Variants in EBF2 observed in about 807,000 individuals in gnomAD.
EBF2 encodes the protein EBF transcription factor 2.
A neutral mutation model predicts 72.8 loss-of-function variants in EBF2; 21 were observed. The observed-to-expected ratio is 0.29, with a 90% CI of 0.20 to 0.42. The LOEUF is 0.42. Ranked by LOEUF, EBF2 falls within the 10% of genes least tolerant of loss-of-function variation. The pLI, the probability that EBF2 is intolerant of heterozygous loss-of-function variation, is 1.00. For synonymous variants in EBF2, 299 were observed against 274.2 expected (o/e 1.09, Z -0.89); for missense variants, 637 against 731.2 (o/e 0.87, Z 1.49).
intron 7 of EBF2, among the ~76,000 whole-genome samples, chr8:25,907,411 C>T (rs575075537): frequency 1.0e-5 from 1 of 98,104 alleles, no homozygotes. Flanking sequence ...CAGAGTGAGA[C>T]CCTGCCTCAA....
At chr8:25,896,679 A>G (rs1416442736) in intron 7 of EBF2, among the ~76,000 whole-genome samples, 3 of 152,190 alleles carry the variant, frequency 2.0e-5, no homozygotes, top group Admixed American at 6.5e-5. Flanking sequence ...GGACAGAGAA[A>G]ATCAAGACAG....
At chr8:26,022,184 G>C (rs997964113) in intron 6 of EBF2, among the ~76,000 whole-genome samples, 1 of 152,102 alleles carries the variant, frequency 6.6e-6, no homozygotes, top group African/African-American at 2.4e-5. Context: ...AGACCACCTC[G>C]ATTTTGTTCT....
chr8:25,847,825 A>C (rs2117243692), intron 15 of EBF2, among the ~76,000 whole-genome samples: 1 of 152,204 alleles, frequency 6.6e-6, no homozygotes, highest in East Asian at 1.9e-4. Flanking sequence ...ATTTCTTTTT[A>C]GGCTACTGCC....
intron 8 of EBF2, among the ~76,000 whole-genome samples, chr8:25,889,130 A>T (rs1419861901): frequency 6.6e-6 from 1 of 152,196 alleles, no homozygotes; most frequent in Non-Finnish European, 1.5e-5. Flanking sequence ...AACATTCTGT[A>T]TTATAAGGTC....
intron 13 of EBF2, among the ~76,000 whole-genome samples, chr8:25,859,805 C>G (rs1480127861): frequency 6.6e-6 from 1 of 151,640 alleles, no homozygotes; most frequent in Non-Finnish European, 1.5e-5. Flanking sequence ...CAGCTTCAAC[C>G]TCCTGGACTC....
chr8:26,035,509 T>A (rs1018751682), intron 5 of EBF2, among the ~76,000 whole-genome samples: 2 of 152,136 alleles, frequency 1.3e-5, no homozygotes, highest in Non-Finnish European at 2.9e-5. Context: ...TCCACAGAAT[T>A]AAACACAAAC....
intron 6 of EBF2, among the ~76,000 whole-genome samples, chr8:25,910,411 T>A (rs921948728): frequency 4.6e-5 from 7 of 152,150 alleles, no homozygotes; most frequent in African/African-American, 1.7e-4. Flanking sequence ...TAAACCCAAA[T>A]GGAGGGCTTT....
At chr8:25,963,535 G>C (rs995512212) in intron 6 of EBF2, among the ~76,000 whole-genome samples, 3 of 152,144 alleles carry the variant, frequency 2.0e-5, no homozygotes, top group African/African-American at 7.2e-5. Flanking sequence ...GTGTGATAGA[G>C]AACAGGAATG....
At chr8:25,953,685 G>A (rs906999966) in intron 6 of EBF2, among the ~76,000 whole-genome samples, 1 of 152,188 alleles carries the variant, frequency 6.6e-6, no homozygotes. Context: ...TTCCCCATCA[G>A]CAATAAGAGA....
At chr8:25,999,719 C>T (rs549221060) in intron 6 of EBF2, among the ~76,000 whole-genome samples, 50 of 151,814 alleles carry the variant, frequency 3.3e-4, no homozygotes, top group African/African-American at 1.2e-3. Context: ...GAAAGTTCCT[C>T]CCTTCCATTT....
chr8:25,912,707 T>C lies in EBF2; in HGVS notation c.552-4152A>G, dbSNP rs114877350. 2.6e-3 allele frequency among the ~76,000 whole-genome samples: 390 copies of C among 152,272 alleles called. 2 individuals are homozygous for C. Among genetic ancestry groups the C allele is most frequent in the African/African-American group, 9.0e-3 (376 of 41,572 alleles). On this transcript the variant is annotated intron_variant, in intron 6 of 15. Coordinates refer to ENST00000520164, the MANE Select transcript of EBF2 (RefSeq NM_022659.4). The stretch of plus-strand genomic sequence containing the variant: ...TGTGTGCCAGAAAGTTCAGGCACAG[T>C]GGCAAGCAAAGTCCTTGGCCCCAAG...
At chr8:25,953,328 T>C (rs1803893735) in intron 6 of EBF2, among the ~76,000 whole-genome samples, 1 of 152,240 alleles carries the variant, frequency 6.6e-6, no homozygotes, top group African/African-American at 2.4e-5. Flanking sequence ...GTTGGTTGAA[T>C]GAACGATTAA....
intron 5 of EBF2, among the ~76,000 whole-genome samples, chr8:26,038,683 C>T (rs371771582): frequency 6.6e-6 from 1 of 152,358 alleles, no homozygotes; most frequent in East Asian, 1.9e-4. Context: ...TATCAAACGT[C>T]CCTGAGATAT....
intron 1 of EBF2, among the ~76,000 whole-genome samples, chr8:26,043,088 G>A (rs1372509355): frequency 6.6e-6 from 1 of 152,224 alleles, no homozygotes; most frequent in East Asian, 1.9e-4. Flanking sequence ...GGCGCCAGCC[G>A]AACCCAGTGA....
At chr8:25,915,593 A>C (rs1327840618) in intron 6 of EBF2, among the ~76,000 whole-genome samples, 1 of 141,562 alleles carries the variant, frequency 7.1e-6, no homozygotes, top group East Asian at 2.1e-4. Flanking sequence ...TAGCCCAAAT[A>C]GCTTCAGCCT....
intron 6 of EBF2, among the ~76,000 whole-genome samples, chr8:26,024,571 C>G (rs956718406): frequency 6.6e-6 from 1 of 152,092 alleles, no homozygotes; most frequent in African/African-American, 2.4e-5. Context: ...GACATAAGAT[C>G]GCTAAGAGGT....
At chr8:26,000,770 G>T (rs570573428) in intron 6 of EBF2, among the ~76,000 whole-genome samples, 1 of 152,306 alleles carries the variant, frequency 6.6e-6, no homozygotes, top group South Asian at 2.1e-4. Context: ...TTTGCAAATT[G>T]TTCTTCCCTG....
At chr8:25,858,845 G>C (rs1419110473) in intron 13 of EBF2, among the ~76,000 whole-genome samples, 1 of 151,774 alleles carries the variant, frequency 6.6e-6, no homozygotes, top group Non-Finnish European at 1.5e-5. Context: ...ACTTTTAGTG[G>C]AGACGGGAAT....
chr8:25,875,991 C>T (rs113693657), intron 10 of EBF2, among the ~76,000 whole-genome samples: 18,221 of 152,096 alleles, frequency 0.12, 1,398 homozygotes, highest in Non-Finnish European at 0.17. Context: ...TTCACAAAAG[C>T]AAAGACTTGG....
Sources: allele counts gnomAD v4.1 joint callset (sites outside exome capture counted in the v4.1 genomes callset), GRCh38; gene constraint gnomAD v4.1.1; transcripts MANE v1.5; gene names NCBI Gene and HGNC (gene_info 2026-07-23, HGNC 2026-07-21).